The following NRXN1 variants were observed in gnomAD, a reference collection of about 807,000 sequenced individuals.
NRXN1 encodes the protein neurexin 1.
A neutral mutation model predicts 150.9 loss-of-function variants in NRXN1; 39 were observed. The observed-to-expected ratio is 0.26, with a 90% CI of 0.20 to 0.34. NRXN1 has a LOEUF of 0.34. Among genes scored for constraint, NRXN1 ranks in the 10% least tolerant of loss-of-function variants. The pLI, the probability that NRXN1 is intolerant of heterozygous loss-of-function variation, is 1.00. For missense variants in NRXN1, 1,815 were observed against 1,949.9 expected, an observed-to-expected ratio of 0.93 and a Z score of 1.30; for synonymous variants, 924 against 757.0, an observed-to-expected ratio of 1.22 and a Z score of -3.62.
At chr2:49,998,875 G>A (rs538499981) in intron 21 of NRXN1, among the ~76,000 whole-genome samples, 3 of 152,132 alleles carry the variant, frequency 2.0e-5, no homozygotes, top group African/African-American at 7.2e-5. Context: ...GCTGTATGTG[G>A]GTTGCCTTTT....
intron 21 of NRXN1, 113 bp from the exon 22 acceptor site, chr2:49,943,904 A>G (rs752427663): frequency 1.3e-6 from 1 of 792,728 alleles, no homozygotes; most frequent in Non-Finnish European, 2.2e-6. Flanking sequence ...CAAATTCACT[A>G]TTTCCCTTTC....
At chr2:50,882,651 T>C (rs917399486) in intron 5 of NRXN1, among the ~76,000 whole-genome samples, 2 of 151,874 alleles carry the variant, frequency 1.3e-5, no homozygotes, top group Non-Finnish European at 2.9e-5. Context: ...AGTATTTTTA[T>C]TGTCACCATC....
intron 17 of NRXN1, among the ~76,000 whole-genome samples, chr2:50,398,598 G>A (rs758825320): frequency 1.3e-5 from 2 of 152,094 alleles, no homozygotes; most frequent in Non-Finnish European, 2.9e-5. Flanking sequence ...AACTGGGAAG[G>A]AGCTTCTGCT....
intron 2 of NRXN1, among the ~76,000 whole-genome samples, chr2:51,010,576 T>C (rs1667684539): frequency 6.6e-6 from 1 of 152,006 alleles, no homozygotes; most frequent in Non-Finnish European, 1.5e-5. Flanking sequence ...CCAGTGCTAA[T>C]ATATTTGTGA....
intron 18 of NRXN1, chr2:50,185,691 C>G (rs944179819): frequency 2.0e-5 from 3 of 151,984 alleles, no homozygotes; most frequent in African/African-American, 7.2e-5. Flanking sequence ...GAGTCTGCAT[C>G]CTTGAATCAT....
intron 5 of NRXN1, among the ~76,000 whole-genome samples, chr2:50,852,015 G>A (rs1175103334): frequency 6.6e-6 from 1 of 152,160 alleles, no homozygotes; most frequent in African/African-American, 2.4e-5. Context: ...AAAACTGAAG[G>A]AGAAAGCTGT....
chr2:50,444,856 A>T (rs758956899), intron 17 of NRXN1, among the ~76,000 whole-genome samples: 1 of 152,162 alleles, frequency 6.6e-6, no homozygotes, highest in Non-Finnish European at 1.5e-5. Flanking sequence ...CATTTTGTTC[A>T]TCATATATTT....
intron 22 of NRXN1, among the ~76,000 whole-genome samples, chr2:49,929,602 A>G (rs1460078486): frequency 6.6e-6 from 1 of 152,154 alleles, no homozygotes; most frequent in East Asian, 1.9e-4. Flanking sequence ...TGCTGTCCCC[A>G]ACTCCTCACA....
intron 17 of NRXN1, among the ~76,000 whole-genome samples, chr2:50,349,461 T>C (rs920320770): frequency 5.3e-5 from 8 of 152,178 alleles, no homozygotes; most frequent in Non-Finnish European, 1.0e-4. Context: ...ATCCACACAG[T>C]ATGTTTTCAG....
At position 50,545,609 on chromosome 2, in the gene NRXN1, T is replaced by C. The variant is rs114219644; in HGVS notation, c.1760-6973A>G. ...TGTATAAAACAAGAATGCCAAGTTA[T>C]TGATTTCCTCTGAGGAATTACCTAT... On this transcript the variant is annotated intron_variant, in intron 9 of 22. Transcript: ENST00000401669. Among the ~76,000 whole-genome samples the C allele has an allele frequency of 9.7e-3, 1,473 of 152,322 alleles. 30 individuals are homozygous for C. The highest frequency in any genetic ancestry group is 0.033 in the African/African-American group (1,373 of 41,568).
intron 2 of NRXN1, among the ~76,000 whole-genome samples, chr2:50,994,149 G>T (rs1418891741): frequency 2.0e-5 from 3 of 151,916 alleles, no homozygotes; most frequent in African/African-American, 7.2e-5. Context: ...CTGAGCCTTA[G>T]AGAAGTTAAA....
chr2:50,320,852 T>C (rs1436277946), intron 17 of NRXN1, among the ~76,000 whole-genome samples: 2 of 152,144 alleles, frequency 1.3e-5, no homozygotes, highest in African/African-American at 4.8e-5. Flanking sequence ...GGAATGTGCA[T>C]TGAATGCCAT....
At chr2:50,647,813 G>C (rs1024948725) in intron 5 of NRXN1, among the ~76,000 whole-genome samples, 1 of 151,910 alleles carries the variant, frequency 6.6e-6, no homozygotes, top group Admixed American at 6.6e-5. Flanking sequence ...TTTGTAGTCA[G>C]TAAAAATCAT....
chr2:50,854,512 T>C (rs545838735), intron 5 of NRXN1, among the ~76,000 whole-genome samples: 26 of 152,238 alleles, frequency 1.7e-4, no homozygotes, highest in African/African-American at 5.1e-4. Flanking sequence ...ACCTTTAAGC[T>C]GCACTGTCTT....
chr2:50,057,188 G>T (rs953826589), intron 19 of NRXN1, among the ~76,000 whole-genome samples: 2 of 151,928 alleles, frequency 1.3e-5, no homozygotes, highest in East Asian at 3.9e-4. Flanking sequence ...CCACAATCTG[G>T]TCCCTTCCTA....
chr2:50,991,719 G>T (rs796918987), intron 2 of NRXN1, among the ~76,000 whole-genome samples: 1 of 151,982 alleles, frequency 6.6e-6, no homozygotes, highest in South Asian at 2.1e-4. Context: ...CCAGAAAACA[G>T]ATTATCTAAT....
chr2:50,017,690 C>T (rs1247372985), intron 21 of NRXN1, among the ~76,000 whole-genome samples: 8 of 146,588 alleles, frequency 5.5e-5, no homozygotes, highest in South Asian at 2.2e-4. Context: ...ATTTACATTA[C>T]GCGAACCCTG....
intron 8 of NRXN1, among the ~76,000 whole-genome samples, chr2:50,557,008 T>A (rs1470085497): frequency 6.6e-6 from 1 of 152,220 alleles, no homozygotes; most frequent in Non-Finnish European, 1.5e-5. Flanking sequence ...TTGCAATTTT[T>A]GATGCCAGGA....
At chr2:50,558,886 T>C (rs1220932858) in intron 8 of NRXN1, among the ~76,000 whole-genome samples, 1 of 151,980 alleles carries the variant, frequency 6.6e-6, no homozygotes, top group African/African-American at 2.4e-5. Flanking sequence ...ATAGAGACCA[T>C]CCTGGCTAAC....
Sources: gnomAD v4.1 joint callset for allele counts (sites outside exome capture counted in the v4.1 genomes callset) on GRCh38, gnomAD v4.1.1 for gene constraint, MANE v1.5 for transcripts, NCBI Gene and HGNC (gene_info 2026-07-23, HGNC 2026-07-21) for gene names.